FN1: variants seen among roughly 807,000 people sequenced by gnomAD.
FN1 encodes the protein fibronectin 1.
A neutral mutation model predicts 297.3 loss-of-function variants in FN1; 106 were observed. That is an observed-to-expected ratio of 0.36 (90% CI 0.30 to 0.42). FN1 has a LOEUF of 0.42. FN1 is among the 10% of genes least tolerant of loss of function. The pLI is 1.00. For missense variants in FN1, 2,690 were observed against 3,124.9 expected, an observed-to-expected ratio of 0.86 and a Z score of 3.32; for synonymous variants, 1,149 against 1,152.6, an observed-to-expected ratio of 1.00 and a Z score of 0.06.
At chr2:215,404,268 A>G in intron 20 of FN1, 121 bp downstream of exon 20, 1 of 1,056,114 alleles carries the variant, frequency 9.5e-7, no homozygotes, top group South Asian at 1.4e-5. Context: ...TTTTAGTATC[A>G]CTGATTTAAA....
chr2:215,381,127 G>A (rs1444883053), intron 32 of FN1, 47 bp from the exon 33 acceptor site: 1 of 1,593,000 alleles, frequency 6.3e-7, no homozygotes, highest in Admixed American at 1.7e-5. Flanking sequence ...AGCAAGTTGT[G>A]AAATAAGCAT....
chr2:215,426,959 T>C (rs1444822808), intron 6 of FN1, among the ~76,000 whole-genome samples: 2 of 151,952 alleles, frequency 1.3e-5, no homozygotes, highest in Non-Finnish European at 2.9e-5. Flanking sequence ...CACTGCAAAC[T>C]CCACCTCCCG....
At chr2:215,426,131 C>A (rs2065306532) in intron 6 of FN1, among the ~76,000 whole-genome samples, 2 of 139,368 alleles carry the variant, frequency 1.4e-5, no homozygotes, top group Non-Finnish European at 3.1e-5. Context: ...ATGTGTTGAT[C>A]TTTTCTTTTT....
Position 215,397,703 on chromosome 2 carries a change from G to C in FN1, c.3494C>G (p.Pro1165Arg). 1 of 1,614,028 alleles carries C rather than the reference G, an allele frequency of 6.2e-7. No individual in the cohort carries two copies. Among genetic ancestry groups the C allele is most frequent in the Non-Finnish European group, 8.5e-7 (1 of 1,179,926 alleles). Residue 1165 changes from proline (P) to arginine (R), a missense_variant, in exon 22 of 46, where the codon CCA becomes CGA. Around this residue, in one of 3 missense-constraint regions of FN1, gnomAD observed 1,743 missense variants for 1,945.2 expected, o/e 0.90. Transcript: ENST00000354785. ...VLRDGQERDAPIVNKVVTPLS... is the reference protein window; with the variant it reads ...VLRDGQERDARIVNKVVTPLS... ...ACGTGTCACCACTTTGTTTACAATTGGCGCATCTCTTTCCTGTCCATCTCT... is the reference window on the plus strand; with the variant it reads ...ACGTGTCACCACTTTGTTTACAATTCGCGCATCTCTTTCCTGTCCATCTCT...
Position 215,386,651 on chromosome 2 carries a change from A to G in FN1, c.4612+38T>C, listed in dbSNP as rs769299519. ...TTACAGAATCTACCAACTGGGTAGG[A>G]AAGTCTTCTGAGTTTCTTTGCAGAC... is the stretch of plus-strand genomic sequence containing the variant. On this transcript the variant is annotated intron_variant, in intron 28 of 45. Transcript: ENST00000354785. 6.3e-6 allele frequency: 10 copies of G among 1,597,114 alleles called. No individual in the cohort carries two copies. In the East Asian group the frequency reaches 2.2e-4, roughly 36 times the overall value.
chr2:215,384,716 T>TA, intron 29 of FN1, 144 bp downstream of exon 29: 2 of 669,126 alleles, frequency 3.0e-6, no homozygotes, highest in Non-Finnish European at 5.4e-6. Context: ...ATCTATATCT[T>TA]ACGTATTTTC....
At chr2:215,377,179 A>C (rs1323490697) in intron 35 of FN1, among the ~76,000 whole-genome samples, 1 of 152,042 alleles carries the variant, frequency 6.6e-6, no homozygotes, top group African/African-American at 2.4e-5. Context: ...TTTATAAATG[A>C]TAAAACTTTG....
rs995237555 is a variant in FN1 at position 215,431,973 on chromosome 2, G to A, written c.416-9C>T. The stretch of plus-strand genomic sequence containing the variant: ...CCCTTCATGGCAGCGGTCTGTTGAA[G>A]ATACAACGAAAATGTTAGGAGAGGG... On this transcript the variant is annotated splice_polypyrimidine_tract_variant and intron_variant, in intron 3 of 45. Coordinates refer to ENST00000354785, the MANE Select transcript of FN1 (RefSeq NM_212482.4). 1.2e-6 allele frequency: 2 copies of A among 1,613,840 alleles called. No individual in the cohort carries two copies. Among genetic ancestry groups the A allele is most frequent in the Non-Finnish European group, 1.7e-6 (2 of 1,179,980 alleles).
intron 24 of FN1, among the ~76,000 whole-genome samples, chr2:215,394,035 G>A (rs1335802927): frequency 1.3e-5 from 2 of 152,114 alleles, no homozygotes; most frequent in Non-Finnish European, 2.9e-5. Flanking sequence ...CAAAAAGAAG[G>A]ATTTGAAACT....
At chr2:215,404,287 T>G (rs1307174685) in intron 20 of FN1, 102 bp downstream of exon 20, 1 of 1,245,956 alleles carries the variant, frequency 8.0e-7, no homozygotes, top group African/African-American at 1.5e-5. Context: ...AATTATGTAC[T>G]AATTTTTTAA....
chr2:215,400,459 A>G (rs1297389066), intron 20 of FN1, among the ~76,000 whole-genome samples: 1 of 151,838 alleles, frequency 6.6e-6, no homozygotes, highest in Admixed American at 6.6e-5. Context: ...TCTTATTGAA[A>G]ATATTACTTT....
Position 215,389,383 on chromosome 2 carries a change from G to A in FN1, c.4253-1082C>T, listed in dbSNP as rs1018221233. On this transcript the variant is annotated intron_variant, in intron 26 of 45. Transcript: ENST00000354785. ...CTCTCAAAGTGCTGGGATTACAGGC[G>A]TGAGCCACTGTGCCCAGCTTCTTCT... Among the ~76,000 whole-genome samples the A allele has an allele frequency of 5.9e-5, 9 of 152,182 alleles. No individual in the cohort carries two copies. In the East Asian group the frequency reaches 1.4e-3, roughly 23 times the overall value.
At chr2:215,425,070 A>G (rs755263769) in intron 7 of FN1, 24 bp downstream of exon 7, 11 of 1,604,878 alleles carry the variant, frequency 6.9e-6, no homozygotes, top group East Asian at 6.7e-5. Flanking sequence ...CATCAGTCCT[A>G]TTCTTCAAAA....
chr2:215,390,752 C>CA (rs1245559127), intron 26 of FN1, among the ~76,000 whole-genome samples: 1 of 152,122 alleles, frequency 6.6e-6, no homozygotes, highest in Non-Finnish European at 1.5e-5. Context: ...CCCTCAGCCA[C>CA]AAAGTAAGAA....
At chr2:215,425,960 C>T (rs910704284) in intron 6 of FN1, among the ~76,000 whole-genome samples, 1 of 152,288 alleles carries the variant, frequency 6.6e-6, no homozygotes, top group Admixed American at 6.5e-5. Flanking sequence ...AGTAACCGAG[C>T]TCATCAGAGG....
intron 44 of FN1, chr2:215,362,751 G>C (rs2053720339): frequency 6.5e-6 from 1 of 153,932 alleles, no homozygotes; most frequent in Non-Finnish European, 1.4e-5. Flanking sequence ...CTGGAAATGG[G>C]AGGACACACA....
At chr2:215,374,336 T>TA (rs1007432851) in intron 38 of FN1, among the ~76,000 whole-genome samples, 1 of 152,220 alleles carries the variant, frequency 6.6e-6, no homozygotes, top group Non-Finnish European at 1.5e-5. Context: ...GTCCAGGTGA[T>TA]ACTCTATACA....
rs1479956149 is a variant in FN1, at chr2:215,360,914, C to T, written c.*641G>A. 6.5e-6 allele frequency: 1 copy of T among 152,820 alleles called. No homozygotes were observed. The highest frequency in any genetic ancestry group is 1.9e-4 in the East Asian group (1 of 5,200). 9.5% of individuals were successfully genotyped at this position (152,820 alleles called of 1,614,324 possible). ...CAGTTGTCTTTCCACAGTAGTAAAGCTTTGGCACATACAGTATAAAAAATA... is the reference window on the plus strand; with the variant it reads ...CAGTTGTCTTTCCACAGTAGTAAAGTTTTGGCACATACAGTATAAAAAATA... On this transcript the variant is annotated 3_prime_UTR_variant, in exon 46 of 46. Coordinates refer to ENST00000354785, the MANE Select transcript of FN1 (RefSeq NM_212482.4).
In FN1 at chr2:215,413,448, C is replaced by T. The variant is rs116429280; in HGVS notation, c.1941+1389G>A. Among the ~76,000 whole-genome samples, 736 of 152,290 alleles carry T rather than the reference C, an allele frequency of 4.8e-3. 7 individuals carry two copies. The highest frequency in any genetic ancestry group is 0.016 in the African/African-American group (683 of 41,548). ...TTGGGTTTATTATACATTCCTCCACCTGATTGTCATGTTGTTATTTTAACT... is the reference window on the plus strand; with the variant it reads ...TTGGGTTTATTATACATTCCTCCACTTGATTGTCATGTTGTTATTTTAACT... On this transcript the variant is annotated intron_variant, in intron 13 of 45. Coordinates refer to ENST00000354785, the MANE Select transcript of FN1 (RefSeq NM_212482.4).
Sources: allele counts gnomAD v4.1 joint callset (sites outside exome capture counted in the v4.1 genomes callset), GRCh38; gene constraint gnomAD v4.1.1; regional missense constraint gnomAD v4.1.1; transcripts MANE v1.5; gene names NCBI Gene and HGNC (gene_info 2026-07-23, HGNC 2026-07-21).